The following ADAM23 variants were observed in gnomAD, a reference collection of about 807,000 sequenced individuals.
ADAM23 encodes the protein ADAM metallopeptidase domain 23, also known as disintegrin and metalloproteinase domain-containing protein 23.
ADAM23 carries 33 observed loss-of-function variants against 120.1 expected under a neutral mutation model. That is an observed-to-expected ratio of 0.27 (90% CI 0.21 to 0.37). The LOEUF (loss-of-function observed/expected upper bound fraction) is 0.37. Among genes scored for constraint, ADAM23 ranks in the 10% least tolerant of loss-of-function variants. The pLI, the probability that ADAM23 is intolerant of heterozygous loss-of-function variation, is 1.00. For synonymous variants in ADAM23, 367 were observed against 375.2 expected, an observed-to-expected ratio of 0.98 and a Z score of 0.25; for missense variants, 862 against 1,058.2, an observed-to-expected ratio of 0.81 and a Z score of 2.57.
intron 2 of ADAM23, among the ~76,000 whole-genome samples, chr2:206,464,438 G>A (rs1169706177): frequency 1.3e-5 from 2 of 152,044 alleles, no homozygotes; most frequent in African/African-American, 4.8e-5. Context: ...AGCCGGGCGT[G>A]GTGGCACGTG....
intron 3 of ADAM23, among the ~76,000 whole-genome samples, chr2:206,513,163 G>T (rs986832833): frequency 5.9e-5 from 9 of 152,132 alleles, no homozygotes; most frequent in African/African-American, 2.2e-4. Flanking sequence ...AGAGTCACAT[G>T]TCTCTCACTT....
At chr2:206,462,278 A>G (rs1325442601) in intron 2 of ADAM23, among the ~76,000 whole-genome samples, 5 of 152,242 alleles carry the variant, frequency 3.3e-5, no homozygotes, top group Admixed American at 1.3e-4. Context: ...TGGTCTAAGA[A>G]TTCAGAGTTC....
intron 24 of ADAM23, among the ~76,000 whole-genome samples, chr2:206,599,204 C>CAA (rs199786169): frequency 3.1e-4 from 22 of 70,216 alleles, no homozygotes; most frequent in African/African-American, 9.0e-4. Context: ...GATTCCATCT[C>CAA]AAAAAAAAAA....
At chr2:206,521,615 A>G (rs144977448) in intron 3 of ADAM23, among the ~76,000 whole-genome samples, 58 of 152,294 alleles carry the variant, frequency 3.8e-4, no homozygotes, top group Non-Finnish European at 6.9e-4. Context: ...ACATTTTTCT[A>G]TATGTGAATG....
chr2:206,465,224 C>T (rs947518607), intron 2 of ADAM23, among the ~76,000 whole-genome samples: 2 of 152,044 alleles, frequency 1.3e-5, no homozygotes, highest in African/African-American at 4.8e-5. Context: ...ACTGTTTGTA[C>T]AGAAAAGGTC....
chr2:206,468,333 A>G lies in ADAM23; in HGVS notation c.433-12899A>G, dbSNP rs555057142. On this transcript the variant is annotated intron_variant, in intron 2 of 25. Transcript: ENST00000264377. ...TTTCAGTTCATTTCTTGACTCATGC[A>G]TATGAGCATAAGTTGTTTGAAGCAG... Among the ~76,000 whole-genome samples the G allele has an allele frequency of 2.0e-4, 30 of 152,298 alleles. No individual in the cohort carries two copies. In the South Asian group the frequency reaches 6.2e-3, roughly 32 times the overall value.
intron 2 of ADAM23, among the ~76,000 whole-genome samples, chr2:206,453,702 A>G (rs1439246453): frequency 1.3e-5 from 2 of 152,264 alleles, no homozygotes; most frequent in African/African-American, 4.8e-5. Flanking sequence ...CAATCATGTT[A>G]ATTCATGGCC....
chr2:206,571,327 T>C (rs1372460888), intron 16 of ADAM23, among the ~76,000 whole-genome samples: 2 of 150,600 alleles, frequency 1.3e-5, no homozygotes, highest in Non-Finnish European at 3.0e-5. Context: ...TACAAAAAAT[T>C]AGCCGGGCGC....
In ADAM23 at chr2:206,548,272, T is replaced by C. The variant is rs1213987078; in HGVS notation, c.794-9T>C. On this transcript the variant is annotated splice_polypyrimidine_tract_variant and intron_variant, in intron 7 of 25. Transcript: ENST00000264377. ...ATAAAATTTTGATACTAATTTTTCC[T>C]TTCTGCAGCTATGGAAAGAGGTGAC... 16 of 1,611,818 alleles carry C rather than the reference T, an allele frequency of 9.9e-6. No homozygotes were observed. Among genetic ancestry groups the C allele is most frequent in the Non-Finnish European group, 1.4e-5 (16 of 1,179,626 alleles).
intron 24 of ADAM23, among the ~76,000 whole-genome samples, chr2:206,599,085 G>A (rs370175739): frequency 6.1e-5 from 9 of 147,794 alleles, no homozygotes; most frequent in African/African-American, 2.3e-4. Flanking sequence ...CGTGCCTGTA[G>A]TACCAGATAC....
intron 2 of ADAM23, among the ~76,000 whole-genome samples, chr2:206,473,980 C>A (rs963230030): frequency 6.7e-6 from 1 of 149,176 alleles, no homozygotes; most frequent in Non-Finnish European, 1.5e-5. Flanking sequence ...CCACTCCACA[C>A]CAACTTGGGC....
rs549112185 is a variant in ADAM23 at position 206,611,537 on chromosome 2, C to A, written c.2450+1537C>A. Among the ~76,000 whole-genome samples the A allele has an allele frequency of 1.1e-4, 17 of 152,172 alleles. No individual in the cohort carries two copies. The South Asian group carries it at 3.5e-3, about 32-fold the overall frequency. ...TCCTTGAACTTTTTCATTAGTATGCCTCAAGAAAAATAAATCTGGATCATG... is the reference window on the plus strand; with the variant it reads ...TCCTTGAACTTTTTCATTAGTATGCATCAAGAAAAATAAATCTGGATCATG... On this transcript the variant is annotated intron_variant, in intron 25 of 25. Transcript: ENST00000264377.
chr2:206,498,446 A>C (rs1471723005), intron 3 of ADAM23, among the ~76,000 whole-genome samples: 1 of 152,232 alleles, frequency 6.6e-6, no homozygotes, highest in Non-Finnish European at 1.5e-5. Flanking sequence ...CTGGCTACCC[A>C]TATGTAGAAA....
Position 206,521,046 on chromosome 2 carries a change from C to T in ADAM23, c.510-9839C>T, listed in dbSNP as rs528749485. 4.6e-5 allele frequency among the ~76,000 whole-genome samples: 7 copies of T among 152,132 alleles called. No homozygotes were observed. In the South Asian group the frequency reaches 1.2e-3, roughly 27 times the overall value. ...CCATATTTCCCTGTCCAAATTGTAT[C>T]GTAGAGACTGCCTAAGCCCTGCTTC... On this transcript the variant is annotated intron_variant, in intron 3 of 25. Transcript: ENST00000264377.
At chr2:206,574,763 A>G (rs373959635) in intron 18 of ADAM23, among the ~76,000 whole-genome samples, 1 of 152,122 alleles carries the variant, frequency 6.6e-6, no homozygotes. Context: ...GTTTGGCATG[A>G]TCTTCTTCCC....
intron 3 of ADAM23, among the ~76,000 whole-genome samples, chr2:206,511,628 C>T (rs961391016): frequency 6.6e-6 from 1 of 152,282 alleles, no homozygotes; most frequent in Non-Finnish European, 1.5e-5. Context: ...GGCAAGCAGG[C>T]GTTTGAACTT....
At chr2:206,610,046 C>CT in intron 25 of ADAM23, 46 bp downstream of exon 25, 1 of 1,463,746 alleles carries the variant, frequency 6.8e-7, no homozygotes, top group South Asian at 1.4e-5. Context: ...TGGCATTTCT[C>CT]TTTTCTGCTT....
chr2:206,528,733 A>T (rs1445393519), intron 3 of ADAM23, among the ~76,000 whole-genome samples: 3 of 152,200 alleles, frequency 2.0e-5, no homozygotes, highest in Admixed American at 6.5e-5. Context: ...TATGAGGCAA[A>T]ATTATAGAAA....
chr2:206,523,723 A>G (rs189060115), intron 3 of ADAM23, among the ~76,000 whole-genome samples: 696 of 152,318 alleles, frequency 4.6e-3, no homozygotes, highest in Middle Eastern at 0.02. Flanking sequence ...AAGAGCAAGC[A>G]TAATTGTAGG....
Sources: gnomAD v4.1 joint callset for allele counts (sites outside exome capture counted in the v4.1 genomes callset) on GRCh38, gnomAD v4.1.1 for gene constraint, MANE v1.5 for transcripts, NCBI Gene and HGNC (gene_info 2026-07-23, HGNC 2026-07-21) for gene names.